CPQ: variants seen among roughly 807,000 people sequenced by gnomAD.
The protein encoded by CPQ is Ser-Met dipeptidase.
A neutral mutation model predicts 45.7 loss-of-function variants in CPQ; 37 were observed. The observed-to-expected ratio is 0.81, with a 90% CI of 0.62 to 1.07. The LOEUF (loss-of-function observed/expected upper bound fraction) is 1.07. CPQ is among the 50% of genes least tolerant of loss of function. CPQ has a pLI of 0.00. For synonymous variants in CPQ, 186 were observed against 205.8 expected, an observed-to-expected ratio of 0.90 and a Z score of 0.82; for missense variants, 537 against 572.9, an observed-to-expected ratio of 0.94 and a Z score of 0.64.
At chr8:96,760,798 C>G (rs78220782) in intron 1 of CPQ, among the ~76,000 whole-genome samples, 1 of 152,144 alleles carries the variant, frequency 6.6e-6, no homozygotes, top group Admixed American at 6.6e-5. Flanking sequence ...CATAATGACA[C>G]GCATATTTAG....
chr8:96,835,269 A>G (rs1811515511), intron 3 of CPQ, 89 bp downstream of exon 3: 9 of 1,023,516 alleles, frequency 8.8e-6, no homozygotes, highest in Non-Finnish European at 1.2e-5. Flanking sequence ...AAACCATTCA[A>G]ATGAAAATAC....
intron 5 of CPQ, among the ~76,000 whole-genome samples, chr8:96,989,425 G>A (rs1374862365): frequency 2.9e-5 from 4 of 138,650 alleles, no homozygotes; most frequent in African/African-American, 1.1e-4. Flanking sequence ...GGGGACAGGA[G>A]CGGAGGGAAG....
At chr8:96,802,907 C>T (rs1811024923) in intron 2 of CPQ, among the ~76,000 whole-genome samples, 1 of 152,088 alleles carries the variant, frequency 6.6e-6, no homozygotes, top group Admixed American at 6.6e-5. Context: ...CCTACGAAGA[C>T]TTAAGCAGTA....
intron 1 of CPQ, among the ~76,000 whole-genome samples, chr8:96,695,742 T>C (rs1470741040): frequency 6.6e-6 from 1 of 151,386 alleles, no homozygotes; most frequent in Non-Finnish European, 1.5e-5. Flanking sequence ...CACAATGAGA[T>C]ACCATTTCAC....
At chr8:97,087,876 G>T (rs1186682163) in intron 7 of CPQ, among the ~76,000 whole-genome samples, 1 of 152,020 alleles carries the variant, frequency 6.6e-6, no homozygotes, top group Non-Finnish European at 1.5e-5. Flanking sequence ...AAAATAAATG[G>T]TACATTTACA....
chr8:96,935,847 A>G (rs1007172972), intron 4 of CPQ, among the ~76,000 whole-genome samples: 1 of 152,184 alleles, frequency 6.6e-6, no homozygotes, highest in South Asian at 2.1e-4. Flanking sequence ...ACTCAGCCTG[A>G]GATGAAAAGG....
chr8:97,077,320 T>C (rs1046136304), intron 7 of CPQ, among the ~76,000 whole-genome samples: 62 of 152,310 alleles, frequency 4.1e-4, no homozygotes, highest in African/African-American at 1.4e-3. Context: ...TCCTGTGATA[T>C]GCAATTTACT....
chr8:97,043,490 A>G (rs1355014597), intron 6 of CPQ, among the ~76,000 whole-genome samples: 4 of 152,154 alleles, frequency 2.6e-5, no homozygotes. Flanking sequence ...ATTTACATTT[A>G]AAGATAATAT....
chr8:97,118,262 A>G (rs1811629637), intron 7 of CPQ, among the ~76,000 whole-genome samples: 2 of 152,192 alleles, frequency 1.3e-5, no homozygotes, highest in African/African-American at 2.4e-5. Flanking sequence ...AATGTTCACA[A>G]TGATGTGAAA....
At position 96,844,637 on chromosome 8, in the gene CPQ, A is replaced by C. The variant is rs149274483; in HGVS notation, c.641+9457A>C. Among the ~76,000 whole-genome samples, 1,074 of 152,330 alleles carry C rather than the reference A, an allele frequency of 7.1e-3. 9 individuals are homozygous for C. The highest frequency in any genetic ancestry group is 0.011 in the Non-Finnish European group (759 of 68,032). On this transcript the variant is annotated intron_variant, in intron 3 of 7. Coordinates refer to ENST00000220763, the MANE Select transcript of CPQ (RefSeq NM_016134.4). ...CTGAAACATGGGAAGTGATTGATGA[A>C]ATATAACTGACGTCTTATCTTGGCC...
intron 6 of CPQ, among the ~76,000 whole-genome samples, chr8:97,062,014 C>T (rs958888528): frequency 1.3e-5 from 2 of 152,094 alleles, no homozygotes; most frequent in African/African-American, 4.8e-5. Flanking sequence ...ACCTTTGAAA[C>T]CTTCTTTATT....
intron 1 of CPQ, among the ~76,000 whole-genome samples, chr8:96,686,065 A>G (rs960837591): frequency 6.6e-6 from 1 of 152,128 alleles, no homozygotes; most frequent in African/African-American, 2.4e-5. Context: ...TTTTGTATTC[A>G]TTCACTTAAC....
intron 2 of CPQ, among the ~76,000 whole-genome samples, chr8:96,826,616 TCTTTTTTCTTTTA>T (rs373964329): frequency 2.6e-5 from 4 of 151,984 alleles, no homozygotes; most frequent in East Asian, 3.9e-4. Context: ...TCTCTCTTTT[TCTTTTTTCTTTTA>T]CTTTTTAAGT....
At chr8:96,654,932 G>A (rs1815621110) in intron 1 of CPQ, among the ~76,000 whole-genome samples, 1 of 147,432 alleles carries the variant, frequency 6.8e-6, no homozygotes, top group South Asian at 2.1e-4. Context: ...TGTCCTTTGT[G>A]GCTTTTTTTT....
chr8:96,794,453 A>G (rs1177432025), intron 2 of CPQ, among the ~76,000 whole-genome samples: 1 of 152,200 alleles, frequency 6.6e-6, no homozygotes, highest in Non-Finnish European at 1.5e-5. Flanking sequence ...GGCCCAGCCC[A>G]TGAAACCACT....
chr8:96,780,855 G>C (rs982088166), intron 1 of CPQ, among the ~76,000 whole-genome samples: 1 of 151,602 alleles, frequency 6.6e-6, no homozygotes, highest in African/African-American at 2.4e-5. Context: ...ACATTTCAAG[G>C]GCTCAATATA....
At chr8:97,131,727 AT>A (rs887414922) in intron 7 of CPQ, among the ~76,000 whole-genome samples, 4 of 152,174 alleles carry the variant, frequency 2.6e-5, no homozygotes, top group African/African-American at 9.7e-5. Context: ...ATCACTATGA[AT>A]TTCTACTAGA....
At chr8:96,730,920 A>T (rs1586376970) in intron 1 of CPQ, among the ~76,000 whole-genome samples, 1 of 99,028 alleles carries the variant, frequency 1.0e-5, no homozygotes, top group East Asian at 3.1e-4. Context: ...GATACATTTA[A>T]CACCTCCCCC....
At chr8:96,826,996 A>G (rs1586416448) in intron 2 of CPQ, among the ~76,000 whole-genome samples, 2 of 152,128 alleles carry the variant, frequency 1.3e-5, no homozygotes, top group South Asian at 4.1e-4. Context: ...TCCACGGTGT[A>G]TATGTACCAC....
Sources: allele counts gnomAD v4.1 joint callset (sites outside exome capture counted in the v4.1 genomes callset), GRCh38; gene constraint gnomAD v4.1.1; transcripts MANE v1.5; gene names NCBI Gene and HGNC (gene_info 2026-07-23, HGNC 2026-07-21).